Variants in DOK3 observed in about 807,000 individuals in gnomAD.
DOK3 encodes the protein docking protein 3.
In DOK3, 23 loss-of-function variants were observed where a neutral mutation model predicts 26.2. That is an observed-to-expected ratio of 0.88 (90% CI 0.63 to 1.24). The LOEUF (loss-of-function observed/expected upper bound fraction) is 1.24. DOK3 is among the 50% of genes most tolerant of loss of function. The pLI is 0.00. For missense variants in DOK3, 619 were observed against 610.6 expected, an observed-to-expected ratio of 1.01 and a Z score of -0.15; for synonymous variants, 268 against 268.2, an observed-to-expected ratio of 1.00 and a Z score of 0.01.
In DOK3 at chr5:177,503,402, G is replaced by T; in HGVS notation, c.*581C>A. The T allele has an allele frequency of 6.5e-7, 1 of 1,531,712 alleles. No homozygotes were observed. 94.9% of individuals were successfully genotyped at this position (1,531,712 alleles called of 1,614,324 possible). A position where few individuals can be genotyped will look rare whatever the true frequency, so the allele number is the denominator to read the frequency against. ...GGGTTCCCAGAAGTATCTGCAAATT[G>T]TTGGAGTTTCAGCAGGGAACAAGTG... On this transcript the variant is annotated 3_prime_UTR_variant, in exon 6 of 6. Coordinates refer to ENST00000510898, the MANE Select transcript of DOK3 (RefSeq NM_001308236.3).
chr5:177,502,803 G>GTAA lies in DOK3; in HGVS notation c.*1179_*1180insTTA. The GTAA allele has an allele frequency of 1.9e-6, 1 of 518,064 alleles. No individual in the cohort carries two copies. The highest frequency in any genetic ancestry group is 3.4e-6 in the Non-Finnish European group (1 of 292,124). The allele number at this position is 518,064 out of a possible 1,614,324, so 32.1% of individuals were successfully genotyped here. On this transcript the variant is annotated 3_prime_UTR_variant, in exon 6 of 6. Transcript: ENST00000510898. ...GGAGGTCTGGGCTCGCCCAAGGCCGGGGACTTTGCCAGACCAGTAAGATGA... is the reference window on the plus strand; with the variant it reads ...GGAGGTCTGGGCTCGCCCAAGGCCGGTAAGGACTTTGCCAGACCAGTAAGATGA...
At chr5:177,510,013 C>G (rs1760794336), upstream of DOK3, 1 of 913,146 alleles carries the variant, frequency 1.1e-6, no homozygotes, top group Non-Finnish European at 1.7e-6. Flanking sequence ...GCTTTTCTTT[C>G]TCCCTGAAAT....
At chr5:177,508,109 A>C in intron 3 of DOK3, 128 bp downstream of exon 3, 1 of 1,176,570 alleles carries the variant, frequency 8.5e-7, no homozygotes, top group Non-Finnish European at 1.1e-6. Flanking sequence ...GAGAGTCATT[A>C]TAGATTTACT....
chr5:177,508,901 T>G (rs1423188857), intron 2 of DOK3: 3 of 266,972 alleles, frequency 1.1e-5, no homozygotes, highest in Non-Finnish European at 2.1e-5. Context: ...AAAGGGGCAC[T>G]TGGGCCACAG....
chr5:177,504,821 G>A lies in DOK3; in HGVS notation c.567C>T (p.Ile189=). ...PALLVLGPDA[I]QLREAKGTQA... ...GGGTGCCCTTGGCCTCCCTCAGCTG[G>A]ATGGCGTCTGGGCCCAGCACCAGCA... is the stretch of plus-strand genomic sequence containing the variant. Residue 189 remains isoleucine (I), a synonymous_variant, in exon 5 of 6, where the codon ATC becomes ATT. Transcript: ENST00000510898. The A allele has an allele frequency of 6.2e-7, 1 of 1,613,794 alleles. No individual in the cohort carries two copies. The highest frequency in any genetic ancestry group is 8.5e-7 in the Non-Finnish European group (1 of 1,179,886).
chr5:177,509,282 G>C, intron 2 of DOK3, 193 bp downstream of exon 2: 1 of 640,728 alleles, frequency 1.6e-6, no homozygotes, highest in Non-Finnish European at 2.5e-6. Flanking sequence ...GTCTGGCAGA[G>C]CCTGCTCAGC....
rs1404344766 is a variant in DOK3 at position 177,503,811 on chromosome 5, T to C, written c.*172A>G. Reference sequence around the variant, plus strand: ...TTATTATCTGTGAGTCTGCACACTATTCATGAGGAGGGCAGGGCAGGGCTG... The same window carrying C: ...TTATTATCTGTGAGTCTGCACACTACTCATGAGGAGGGCAGGGCAGGGCTG... On this transcript the variant is annotated 3_prime_UTR_variant, in exon 6 of 6. Transcript: ENST00000510898. 11 of 1,432,108 alleles carry C rather than the reference T, an allele frequency of 7.7e-6. No individual in the cohort carries two copies. The East Asian group carries it at 2.3e-4, about 29-fold the overall frequency. The allele number at this position is 1,432,108 out of a possible 1,614,324, so 88.7% of individuals were successfully genotyped here.
Position 177,504,369 on chromosome 5 carries a change from G to C in DOK3, c.937C>G (p.Leu313Val). ...EPGPQSLPLL[L>V]GPEPNDLASG... ...GCCAGATCGTTGGGCTCCGGGCCTA[G>C]CAGTAGCGGCAGGCTCTGGGGTCCG... Residue 313 changes from leucine to valine, a missense_variant, in exon 6 of 6, where the codon CTA becomes GTA. By Grantham distance (32) the Leu-to-Val change is conservative. Coordinates refer to ENST00000510898, the MANE Select transcript of DOK3 (RefSeq NM_001308236.3). 1 of 1,569,804 alleles carries C rather than the reference G, an allele frequency of 6.4e-7. No homozygotes were observed. The highest frequency in any genetic ancestry group is 8.6e-7 in the Non-Finnish European group (1 of 1,156,270).
Position 177,503,910 on chromosome 5 carries a change from T to C in DOK3, c.*73A>G, listed in dbSNP as rs1383308482. On this transcript the variant is annotated 3_prime_UTR_variant, in exon 6 of 6. Transcript: ENST00000510898. Reference sequence around the variant, plus strand: ...CAGGCGTGTGTCTGCATGGGCCCAATGTTTGCCCACCAGCCCACCCTCCTG... The same window carrying C: ...CAGGCGTGTGTCTGCATGGGCCCAACGTTTGCCCACCAGCCCACCCTCCTG... The C allele has an allele frequency of 7.5e-6, 11 of 1,460,932 alleles. No homozygotes were observed. In the East Asian group the frequency reaches 2.0e-4, roughly 26 times the overall value. The allele number at this position is 1,460,932 out of a possible 1,614,324, so 90.5% of individuals were successfully genotyped here.
At chr5:177,505,444 G>A (rs1352475244) in intron 3 of DOK3, among the ~76,000 whole-genome samples, 1 of 152,146 alleles carries the variant, frequency 6.6e-6, no homozygotes, top group South Asian at 2.1e-4. Flanking sequence ...AGTACCCCAG[G>A]TGTCTTCCTC....
chr5:177,506,711 G>A lies in DOK3; in HGVS notation c.372+1526C>T, dbSNP rs1242609661. ...TTTTTTTTTTTTTTTTTTTTGAGAC[G>A]GAGTTTTGCTCTCGTTGCCCAGGCT... On this transcript the variant is annotated intron_variant, in intron 3 of 5. Transcript: ENST00000510898. 5.7e-5 allele frequency among the ~76,000 whole-genome samples: 7 copies of A among 123,598 alleles called. No homozygotes were observed. In the East Asian group the frequency reaches 1.2e-3, roughly 21 times the overall value. 81.1% of individuals were successfully genotyped at this position (123,598 alleles called of 152,430 possible).
rs541916027 is a variant in DOK3, at chr5:177,504,303, G to T, written c.1003C>A (p.Pro335Thr). The T allele has an allele frequency of 7.5e-6, 12 of 1,606,146 alleles. No individual in the cohort carries two copies. In the East Asian group the frequency reaches 2.2e-4, roughly 30 times the overall value. The change falls in exon 6 of 6, where the codon CCC becomes ACC. Residue 335 changes from proline to threonine, a missense_variant. By Grantham distance (38) the Pro-to-Thr change is conservative. Transcript: ENST00000510898. ...YASVCKRASG[P>T]PGNEHLYENL... ...TCATAGAGGTGCTCATTGCCTGGGGGCCCACTGGCACGCTTGCACACTGAA... is the reference window on the plus strand; with the variant it reads ...TCATAGAGGTGCTCATTGCCTGGGGTCCCACTGGCACGCTTGCACACTGAA...
Position 177,503,286 on chromosome 5 carries a change from A to G in DOK3, c.*697T>C. ...ACGGCTGTGTCCCCCAGCGCCTGGC[A>G]CTGAGTAGGCACGCAGCAAACTCTC... On this transcript the variant is annotated 3_prime_UTR_variant, in exon 6 of 6. Transcript: ENST00000510898. 1 of 1,550,578 alleles carries G rather than the reference A, an allele frequency of 6.4e-7. No homozygotes were observed. Among genetic ancestry groups the G allele is most frequent in the Non-Finnish European group, 8.7e-7 (1 of 1,145,912 alleles).
intron 3 of DOK3, among the ~76,000 whole-genome samples, chr5:177,507,330 A>G (rs1225567360): frequency 6.6e-6 from 1 of 151,796 alleles, no homozygotes; most frequent in Non-Finnish European, 1.5e-5. Flanking sequence ...GTTTGTTTTT[A>G]TGGCTGAGTA....
Position 177,509,573 on chromosome 5 carries a change from G to C in DOK3, c.-33C>G, listed in dbSNP as rs185019749. On this transcript the variant is annotated 5_prime_UTR_variant, in exon 2 of 6. Transcript: ENST00000510898. ...GCCAGGAGCAGGGCCGCCGCTTCAA[G>C]ACCTGGGGAGACTGATGACAGGCTG... 6.3e-5 allele frequency: 101 copies of C among 1,608,824 alleles called. 1 individual carries two copies. The East Asian group carries it at 2.0e-3, about 31-fold the overall frequency.
Position 177,504,931 on chromosome 5 carries a change from A to T in DOK3, c.473-16T>A. 6.3e-7 allele frequency: 1 copy of T among 1,580,126 alleles called. No homozygotes were observed. The highest frequency in any genetic ancestry group is 8.6e-7 in the Non-Finnish European group (1 of 1,161,448). ...AACTCGCCCACTGTGGCAGGTGGCC[A>T]GGACAGCTCCGTCAGTCCCAAAAAG... On this transcript the variant is annotated splice_polypyrimidine_tract_variant and intron_variant, in intron 4 of 5. Coordinates refer to ENST00000510898, the MANE Select transcript of DOK3 (RefSeq NM_001308236.3).
At chr5:177,507,058 C>T (rs1161515629) in intron 3 of DOK3, among the ~76,000 whole-genome samples, 1 of 152,176 alleles carries the variant, frequency 6.6e-6, no homozygotes, top group Admixed American at 6.5e-5. Context: ...TTTCCATCAT[C>T]CCACATGGAA....
intron 2 of DOK3, chr5:177,509,064 T>A (rs1581794039): frequency 5.2e-6 from 1 of 192,184 alleles, no homozygotes; most frequent in African/African-American, 2.3e-5. Context: ...CGAGGAGAGG[T>A]GACCCCCTGC....
At chr5:177,508,771 G>T (rs140866310) in intron 2 of DOK3, 6 of 453,178 alleles carry the variant, frequency 1.3e-5, no homozygotes, top group African/African-American at 2.0e-5. Context: ...CATCAATGTC[G>T]TCTCTCAAAA....
Sources: allele counts gnomAD v4.1 joint callset (sites outside exome capture counted in the v4.1 genomes callset), GRCh38; gene constraint gnomAD v4.1.1; transcripts MANE v1.5; gene names NCBI Gene and HGNC (gene_info 2026-07-23, HGNC 2026-07-21).